The following PCDHGA3 variants were observed in gnomAD, a reference collection of about 807,000 sequenced individuals.
PCDHGA3 encodes protocadherin gamma-A3.
PCDHGA3 carries 40 observed loss-of-function variants against 58.5 expected under a neutral mutation model. That is an observed-to-expected ratio of 0.68 (90% CI 0.53 to 0.89). PCDHGA3 has a LOEUF of 0.89. PCDHGA3 is among the 40% of genes least tolerant of loss of function. PCDHGA3 has a pLI of 0.00. For missense variants in PCDHGA3, 1,223 were observed against 1,195.9 expected (o/e 1.02, Z -0.33); for synonymous variants, 530 against 525.7 (o/e 1.01, Z -0.11).
intron 1 of PCDHGA3, chr5:141,422,052 C>T: frequency 6.2e-7 from 1 of 1,611,298 alleles, no homozygotes; most frequent in Non-Finnish European, 8.5e-7. Flanking sequence ...AGGGAATCAA[C>T]GGGGAAGTAA....
At chr5:141,387,237 G>A (rs1273049599) in intron 1 of PCDHGA3, among the ~76,000 whole-genome samples, 2 of 152,168 alleles carry the variant, frequency 1.3e-5, no homozygotes, top group African/African-American at 4.8e-5. Flanking sequence ...AAATCAACTT[G>A]GAGGTACTTA....
intron 1 of PCDHGA3, among the ~76,000 whole-genome samples, chr5:141,353,850 AAC>A (rs1759401140): frequency 6.6e-6 from 1 of 152,202 alleles, no homozygotes; most frequent in African/African-American, 2.4e-5. Flanking sequence ...GATTGTGAAA[AAC>A]ACGTTTAATC....
At chr5:141,406,446 C>T (rs1292880739) in intron 1 of PCDHGA3, among the ~76,000 whole-genome samples, 1 of 152,200 alleles carries the variant, frequency 6.6e-6, no homozygotes, top group Non-Finnish European at 1.5e-5. Flanking sequence ...TCTTCCATTT[C>T]TATGACAGGA....
chr5:141,395,093 C>T (rs1372671941), intron 1 of PCDHGA3: 1 of 1,614,158 alleles, frequency 6.2e-7, no homozygotes, highest in Non-Finnish European at 8.5e-7. Flanking sequence ...TCTCCCTCAC[C>T]GCCGACTCGC....
intron 1 of PCDHGA3, chr5:141,355,132 G>A: frequency 6.6e-7 from 1 of 1,519,210 alleles, no homozygotes; most frequent in Non-Finnish European, 8.8e-7. Context: ...GGACCCAGAA[G>A]ATCCTGGGGC....
chr5:141,433,199 A>G (rs2097574804), intron 1 of PCDHGA3: 1 of 1,579,570 alleles, frequency 6.3e-7, no homozygotes, highest in Non-Finnish European at 8.6e-7. Context: ...TTTATATCAA[A>G]TCTTCTTTCT....
intron 1 of PCDHGA3, among the ~76,000 whole-genome samples, chr5:141,358,442 G>A (rs72790009): frequency 0.023 from 3,459 of 152,132 alleles, 53 homozygotes; most frequent in South Asian, 0.038. Flanking sequence ...AACAGGCAAC[G>A]TCAATTTAAG....
chr5:141,410,349 G>A, intron 1 of PCDHGA3: 1 of 1,613,994 alleles, frequency 6.2e-7, no homozygotes, highest in Non-Finnish European at 8.5e-7. Flanking sequence ...TTGCGCCTGC[G>A]ACGCTCTCTC....
intron 1 of PCDHGA3, among the ~76,000 whole-genome samples, chr5:141,353,542 T>C (rs1272811023): frequency 6.6e-6 from 1 of 152,226 alleles, no homozygotes; most frequent in African/African-American, 2.4e-5. Flanking sequence ...ATCACTAACT[T>C]TGAGTCAATA....
chr5:141,463,616 T>C (rs941383375), intron 1 of PCDHGA3, among the ~76,000 whole-genome samples: 28 of 151,762 alleles, frequency 1.8e-4, no homozygotes, highest in Non-Finnish European at 2.1e-4. Flanking sequence ...GCCCGGCTAA[T>C]TTTTTGTATT....
chr5:141,415,289 C>T (rs1413039067), intron 1 of PCDHGA3: 11 of 1,614,088 alleles, frequency 6.8e-6, no homozygotes, highest in African/African-American at 1.3e-5. Flanking sequence ...GCCGCGGTCT[C>T]CTGCGTCTTC....
intron 1 of PCDHGA3, chr5:141,389,390 C>G: frequency 2.5e-6 from 4 of 1,613,718 alleles, no homozygotes; most frequent in Non-Finnish European, 3.4e-6. Context: ...TGTCATCCTA[C>G]GTGTCCATAA....
chr5:141,375,210 C>T, intron 1 of PCDHGA3: 1 of 1,614,008 alleles, frequency 6.2e-7, no homozygotes. Context: ...GATCGAGACT[C>T]TGGCCTGAAT....
intron 1 of PCDHGA3, chr5:141,352,649 G>T: frequency 6.2e-7 from 1 of 1,604,100 alleles, no homozygotes; most frequent in South Asian, 1.1e-5. Flanking sequence ...AATCGCTTAT[G>T]ACCCTTCTTT....
chr5:141,389,045 T>C, intron 1 of PCDHGA3: 3 of 1,613,920 alleles, frequency 1.9e-6, no homozygotes, highest in Non-Finnish European at 2.5e-6. Flanking sequence ...TGGAAGGTGA[T>C]GTTCCATTTA....
intron 1 of PCDHGA3, chr5:141,415,577 C>G (rs776744277): frequency 2.5e-6 from 4 of 1,613,744 alleles, no homozygotes; most frequent in South Asian, 2.2e-5. Flanking sequence ...TTAGATGATT[C>G]GAAGTTTCCT....
rs1342408505 is a variant in PCDHGA3 at position 141,409,977 on chromosome 5, T to C, written c.2424+63520T>C. The C allele has an allele frequency of 1.2e-6, 2 of 1,613,300 alleles. No individual in the cohort carries two copies. Among genetic ancestry groups the C allele is most frequent in the African/African-American group, 2.7e-5 (2 of 75,026 alleles). ...CCCGGCTACCTAGTGACTAAGGTGGTAGCGGTGGACGCCGACTCGGGACAC... is the reference window on the plus strand; with the variant it reads ...CCCGGCTACCTAGTGACTAAGGTGGCAGCGGTGGACGCCGACTCGGGACAC... On this transcript the variant is annotated intron_variant, in intron 1 of 3. Transcript: ENST00000253812.
At chr5:141,478,497 C>T in intron 1 of PCDHGA3, 1 of 1,612,820 alleles carries the variant, frequency 6.2e-7, no homozygotes, top group Non-Finnish European at 8.5e-7. Context: ...AGCTGTGATC[C>T]GGTGTTCTAT....
intron 1 of PCDHGA3, among the ~76,000 whole-genome samples, chr5:141,445,332 A>G (rs1364481039): frequency 1.4e-4 from 22 of 152,140 alleles, no homozygotes; most frequent in Admixed American, 1.4e-3. Context: ...CCATCCAGAA[A>G]CAGTAAACAT....
Sources: gnomAD v4.1 joint callset for allele counts (sites outside exome capture counted in the v4.1 genomes callset) on GRCh38, gnomAD v4.1.1 for gene constraint, MANE v1.5 for transcripts, NCBI Gene and HGNC (gene_info 2026-07-23, HGNC 2026-07-21) for gene names.